Variants in CCNT2 observed in about 807,000 individuals in gnomAD.
CCNT2 encodes the protein cyclin T2, also known as cyclin-T2.
In CCNT2, 18 loss-of-function variants were observed where a neutral mutation model predicts 70.0. That is an observed-to-expected ratio of 0.26 (90% CI 0.18 to 0.38). The LOEUF is 0.38. CCNT2 is among the 10% of genes least tolerant of loss of function. The pLI, the probability that CCNT2 is intolerant of heterozygous loss-of-function variation, is 1.00. For missense variants in CCNT2, 734 were observed against 890.2 expected (o/e 0.82, Z 2.23); for synonymous variants, 334 against 313.3 (o/e 1.07, Z -0.70).
At chr2:134,941,154 G>A (rs1438813064) in intron 4 of CCNT2, among the ~76,000 whole-genome samples, 2 of 152,210 alleles carry the variant, frequency 1.3e-5, no homozygotes, top group East Asian at 1.9e-4. Flanking sequence ...TAATGCCAGC[G>A]AAAGACAGAA....
Position 134,942,653 on chromosome 2 carries a change from A to G in CCNT2, c.472A>G (p.Lys158Glu), listed in dbSNP as rs1291605519. 1 of 1,610,110 alleles carries G rather than the reference A, an allele frequency of 6.2e-7. No homozygotes were observed. The highest frequency in any genetic ancestry group is 1.3e-5 in the African/African-American group (1 of 74,838). The part of the protein sequence containing the change: ...TIEHPHTDVV[K>E]CTQLVRASKD... Reference sequence around the variant, plus strand: ...TGAACACCCACACACAGATGTGGTGAAATGTACCCAGTTAGTAAGAGGTAG... The same window carrying G: ...TGAACACCCACACACAGATGTGGTGGAATGTACCCAGTTAGTAAGAGGTAG... The change falls in exon 5 of 9, where the codon AAA (lysine) becomes GAA (glutamate). Residue 158 changes from lysine (K) to glutamate (E), a missense_variant. Around this residue, in one of 3 missense-constraint regions of CCNT2, gnomAD observed 161 missense variants for 303.8 expected, o/e 0.53. Coordinates refer to ENST00000264157, the MANE Select transcript of CCNT2 (RefSeq NM_058241.3).
intron 4 of CCNT2, among the ~76,000 whole-genome samples, chr2:134,939,264 C>T (rs916600422): frequency 1.3e-5 from 2 of 152,072 alleles, no homozygotes; most frequent in African/African-American, 4.8e-5. Flanking sequence ...GAATGGTAAA[C>T]GTACCCTTCA....
chr2:134,952,011 C>G (rs1682543031), intron 7 of CCNT2, among the ~76,000 whole-genome samples: 1 of 152,098 alleles, frequency 6.6e-6, no homozygotes, highest in South Asian at 2.1e-4. Context: ...TGGGGTTTGT[C>G]TGATGATTTC....
intron 3 of CCNT2, among the ~76,000 whole-genome samples, chr2:134,938,323 AT>A (rs1559101069): frequency 2.0e-5 from 3 of 152,338 alleles, no homozygotes; most frequent in African/African-American, 4.8e-5. Flanking sequence ...AGGTATATTC[AT>A]ATCAGTAATA....
intron 7 of CCNT2, among the ~76,000 whole-genome samples, chr2:134,952,133 G>T (rs1371458783): frequency 1.3e-5 from 2 of 152,036 alleles, no homozygotes; most frequent in Non-Finnish European, 2.9e-5. Flanking sequence ...TCTTATAACT[G>T]GTCATGACAA....
In CCNT2 at chr2:134,954,315, G is replaced by A; in HGVS notation, c.1860G>A (p.Arg620=). ...ISSSSSSSRK[R]LHVNDASHNH... is the part of the protein sequence containing the mutation. ...CTAGCTCCAGCTCTTCAAGGAAGAG[G>A]CTGCATGTCAATGATGCATCTCACA... The change falls in exon 9 of 9, where the codon AGG becomes AGA. Residue 620 remains arginine, a synonymous_variant. Transcript: ENST00000264157. 6.2e-7 allele frequency: 1 copy of A among 1,614,140 alleles called. No individual in the cohort carries two copies. Among genetic ancestry groups the A allele is most frequent in the Non-Finnish European group, 8.5e-7 (1 of 1,180,002 alleles).
rs112471982 is a variant in CCNT2 at position 134,931,262 on chromosome 2, C to CTTTTTTTTTTTTTTTTTTTTTTTTTTTTT, written c.241-5554_241-5553insTTTTTTTTTTTTTTTTTTTTTTTTTTTTT. Among the ~76,000 whole-genome samples the CTTTTTTTTTTTTTTTTTTTTTTTTTTTTT allele has an allele frequency of 7.5e-4, 32 of 42,424 alleles. 6 individuals carry two copies. The highest frequency in any genetic ancestry group is 3.8e-3 in the East Asian group (2 of 532). The allele number at this position is 42,424 out of a possible 152,430, so 27.8% of individuals were successfully genotyped here. A position where few individuals can be genotyped will look rare whatever the true frequency, so the allele number is the denominator to read the frequency against. ...CAGGCATAAGCCACCATGCCCGGAT[C>CTTTTTTTTTTTTTTTTTTTTTTTTTTTTT]TTTTTTTTTTTTTTTTTTTTTTTTT... On this transcript the variant is annotated intron_variant, in intron 2 of 8. Transcript: ENST00000264157.
Position 134,949,060 on chromosome 2 carries a change from C to T in CCNT2, c.703+1161C>T, listed in dbSNP as rs531430104. ...TTTTGAGACAGATACTCACTCTGCC[C>T]CCCAAGCTGGAGCGCAGTGGTGCAA... On this transcript the variant is annotated intron_variant, in intron 7 of 8. Coordinates refer to ENST00000264157, the MANE Select transcript of CCNT2 (RefSeq NM_058241.3). 1.0e-4 allele frequency among the ~76,000 whole-genome samples: 15 copies of T among 149,502 alleles called. No individual in the cohort carries two copies. The East Asian group carries it at 1.6e-3, about 16-fold the overall frequency.
chr2:134,928,539 A>G (rs893708789), intron 2 of CCNT2, among the ~76,000 whole-genome samples: 4 of 151,768 alleles, frequency 2.6e-5, no homozygotes, highest in African/African-American at 7.3e-5. Context: ...CAGCCTCCCA[A>G]AGTACTGGGA....
At chr2:134,945,298 G>C in intron 5 of CCNT2, 2 of 985,426 alleles carry the variant, frequency 2.0e-6, no homozygotes, top group Non-Finnish European at 2.4e-6. Flanking sequence ...AGAGGGGAAA[G>C]ATATGTCAGT....
intron 3 of CCNT2, 41 bp from the exon 4 acceptor site, chr2:134,938,961 A>C (rs778832965): frequency 2.3e-6 from 3 of 1,313,230 alleles, no homozygotes; most frequent in Non-Finnish European, 3.3e-6. Context: ...TAGTAATGTT[A>C]TTTTTATTTT....
intron 5 of CCNT2, chr2:134,943,460 A>G (rs1681716817): frequency 1.0e-6 from 1 of 985,170 alleles, no homozygotes; most frequent in South Asian, 4.7e-5. Flanking sequence ...TGGGCAATCT[A>G]AAATTGATTT....
At chr2:134,940,854 A>AT (rs1284526350) in intron 4 of CCNT2, among the ~76,000 whole-genome samples, 1 of 152,234 alleles carries the variant, frequency 6.6e-6, no homozygotes, top group African/African-American at 2.4e-5. Flanking sequence ...TACAAAAAAA[A>AT]GTTGAATTGT....
intron 2 of CCNT2, among the ~76,000 whole-genome samples, chr2:134,920,779 A>G (rs755578477): frequency 6.6e-6 from 1 of 152,200 alleles, no homozygotes; most frequent in Non-Finnish European, 1.5e-5. Flanking sequence ...ACTTTCTGCT[A>G]TTTGTGGATA....
intron 8 of CCNT2, 173 bp downstream of exon 8, chr2:134,952,884 A>G: frequency 1.8e-6 from 1 of 547,922 alleles, no homozygotes; most frequent in Non-Finnish European, 3.2e-6. Flanking sequence ...GGACTTTGCT[A>G]AAGTACATTA....
intron 7 of CCNT2, among the ~76,000 whole-genome samples, chr2:134,951,275 C>T (rs576013474): frequency 2.8e-4 from 43 of 152,108 alleles, no homozygotes; most frequent in Admixed American, 1.8e-3. Flanking sequence ...AACCTGTAGT[C>T]TCTATTAATA....
At chr2:134,919,732 C>A in intron 1 of CCNT2, 78 bp from the exon 2 acceptor site, 1 of 1,144,488 alleles carries the variant, frequency 8.7e-7, no homozygotes. Context: ...TGGAAAAGAA[C>A]CTGGGAATTT....
At position 134,942,668 on chromosome 2, in the gene CCNT2, G is replaced by A; in HGVS notation, c.487G>A (p.Val163Ile). 1 of 1,608,240 alleles carries A rather than the reference G, an allele frequency of 6.2e-7. No individual in the cohort carries two copies. Among genetic ancestry groups the A allele is most frequent in the Non-Finnish European group, 8.5e-7 (1 of 1,177,320 alleles). ...AGATGTGGTGAAATGTACCCAGTTA[G>A]TAAGAGGTAGGTGATCCTTGAAACT... The part of the protein sequence containing the change: ...HTDVVKCTQL[V>I]RASKDLAQTS... The change falls in exon 5 of 9, where the codon GTA becomes ATA. Residue 163 changes from valine (V) to isoleucine (I), a missense_variant. This residue lies in a region of CCNT2 where 161 missense variants were observed against 303.8 expected (regional missense o/e 0.53). Coordinates refer to ENST00000264157, the MANE Select transcript of CCNT2 (RefSeq NM_058241.3).
intron 2 of CCNT2, 93 bp from the exon 3 acceptor site, chr2:134,936,748 C>A: frequency 8.6e-7 from 1 of 1,162,034 alleles, no homozygotes; most frequent in Non-Finnish European, 1.2e-6. Context: ...GAGCGAAACT[C>A]CACCTCAAAA....
Sources: gnomAD v4.1 joint callset for allele counts (sites outside exome capture counted in the v4.1 genomes callset) on GRCh38, gnomAD v4.1.1 for gene constraint, gnomAD v4.1.1 regional missense constraint, MANE v1.5 for transcripts, NCBI Gene and HGNC (gene_info 2026-07-23, HGNC 2026-07-21) for gene names.